The following FMN1 variants were observed in gnomAD, a reference collection of about 807,000 sequenced individuals.
FMN1 encodes formin 1.
In FMN1, 110 loss-of-function variants were observed where a neutral mutation model predicts 132.4. The observed-to-expected ratio is 0.83, with a 90% CI of 0.71 to 0.97. FMN1 has a LOEUF of 0.97. Among genes scored for constraint, FMN1 ranks in the 50% least tolerant of loss-of-function variants. The probability of loss-of-function intolerance (pLI) is 0.00; values close to 1 mark genes in which losing one functional copy is unlikely to be tolerated. For synonymous variants in FMN1, 722 were observed against 651.7 expected, an observed-to-expected ratio of 1.11 and a Z score of -1.64; for missense variants, 1,792 against 1,705.3, an observed-to-expected ratio of 1.05 and a Z score of -0.90.
intron 16 of FMN1, among the ~76,000 whole-genome samples, chr15:32,867,052 T>C (rs1212553168): frequency 1.3e-5 from 2 of 152,166 alleles, no homozygotes; most frequent in Admixed American, 6.5e-5. Context: ...CTGGGATGTG[T>C]CTCCCAAGTT....
At chr15:33,141,262 G>C (rs1392039120) in intron 4 of FMN1, among the ~76,000 whole-genome samples, 3 of 152,010 alleles carry the variant, frequency 2.0e-5, no homozygotes, top group African/African-American at 4.8e-5. Flanking sequence ...TCTTCTAAAA[G>C]CTGTTAAGTT....
intron 18 of FMN1, among the ~76,000 whole-genome samples, chr15:32,803,793 C>A (rs2057564001): frequency 6.6e-6 from 1 of 152,164 alleles, no homozygotes; most frequent in African/African-American, 2.4e-5. Flanking sequence ...CAGAGCAATG[C>A]AGGACAGGCA....
At chr15:33,030,351 A>C (rs2035878535) in intron 6 of FMN1, among the ~76,000 whole-genome samples, 1 of 152,196 alleles carries the variant, frequency 6.6e-6, no homozygotes, top group African/African-American at 2.4e-5. Context: ...TCAAGAGATG[A>C]ATGTGACCGG....
intron 9 of FMN1, among the ~76,000 whole-genome samples, chr15:32,948,488 A>G (rs1211545860): frequency 1.3e-5 from 2 of 152,056 alleles, no homozygotes; most frequent in Non-Finnish European, 2.9e-5. Context: ...AGACATGCTT[A>G]GTGTAATAAA....
At chr15:33,106,278 ACACACACACACACACACGCACG>A (rs1348719242) in intron 4 of FMN1, 3 of 142,882 alleles carry the variant, frequency 2.1e-5, no homozygotes, top group African/African-American at 5.7e-5. Flanking sequence ...CAGAATCCAC[ACACACACACACACACACGCACG>A]CACACACACA....
At chr15:33,040,356 T>C (rs760384933) in intron 6 of FMN1, among the ~76,000 whole-genome samples, 1 of 152,174 alleles carries the variant, frequency 6.6e-6, no homozygotes, top group Non-Finnish European at 1.5e-5. Flanking sequence ...TGTGTATTTG[T>C]AAACATTCCA....
chr15:33,115,455 T>A (rs1175901452), intron 4 of FMN1, among the ~76,000 whole-genome samples: 4 of 151,900 alleles, frequency 2.6e-5, no homozygotes, highest in African/African-American at 9.7e-5. Flanking sequence ...GGTCCTTGTG[T>A]ACAGCCTTGC....
chr15:32,910,333 C>T, intron 11 of FMN1, 141 bp downstream of exon 11: 1 of 650,388 alleles, frequency 1.5e-6, no homozygotes, highest in East Asian at 2.8e-5. Flanking sequence ...CATCCACTCC[C>T]ATTCAAGCTT....
chr15:32,892,434 T>C (rs2060054107), intron 15 of FMN1, among the ~76,000 whole-genome samples: 1 of 152,254 alleles, frequency 6.6e-6, no homozygotes, highest in South Asian at 2.1e-4. Context: ...GATTATCTTT[T>C]TGATATGTTG....
At chr15:33,082,092 A>AGTGTGTGTGTGTGTGT (rs1566899546) in intron 5 of FMN1, among the ~76,000 whole-genome samples, 2 of 87,984 alleles carry the variant, frequency 2.3e-5, no homozygotes, top group African/African-American at 3.9e-5. Context: ...GCTGGAAAAC[A>AGTGTGTGTGTGTGTGT]ATGTGTGTGT....
At chr15:33,076,680 C>T (rs1172886087) in intron 5 of FMN1, among the ~76,000 whole-genome samples, 1 of 152,022 alleles carries the variant, frequency 6.6e-6, no homozygotes, top group Non-Finnish European at 1.5e-5. Flanking sequence ...TATTACTGTC[C>T]AATGAAACTT....
intron 4 of FMN1, among the ~76,000 whole-genome samples, chr15:33,117,926 T>A (rs1272099878): frequency 6.6e-6 from 1 of 152,066 alleles, no homozygotes; most frequent in Non-Finnish European, 1.5e-5. Flanking sequence ...GGTGATGGAG[T>A]GGCAGTACGG....
At chr15:33,018,642 T>G (rs567825419) in intron 6 of FMN1, among the ~76,000 whole-genome samples, 5 of 152,194 alleles carry the variant, frequency 3.3e-5, no homozygotes, top group Non-Finnish European at 5.9e-5. Context: ...TGTACCATTG[T>G]GTCCGGAATT....
At chr15:33,101,060 T>C (rs375047928) in intron 4 of FMN1, among the ~76,000 whole-genome samples, 20 of 152,176 alleles carry the variant, frequency 1.3e-4, no homozygotes, top group East Asian at 3.8e-4. Flanking sequence ...CAATGGACTT[T>C]CTAAATTTCA....
intron 4 of FMN1, among the ~76,000 whole-genome samples, chr15:33,130,910 A>T (rs929920031): frequency 1.3e-5 from 2 of 152,216 alleles, no homozygotes; most frequent in Admixed American, 1.3e-4. Flanking sequence ...TCTTTAGCCA[A>T]GGTTACTTCA....
At chr15:32,821,449 C>T (rs200869945) in intron 17 of FMN1, among the ~76,000 whole-genome samples, 13 of 110,812 alleles carry the variant, frequency 1.2e-4, no homozygotes, top group Admixed American at 3.4e-4. Flanking sequence ...ATATTTAAAT[C>T]TTTTTTTTTT....
At chr15:33,098,936 A>T (rs757112885) in intron 4 of FMN1, among the ~76,000 whole-genome samples, 5 of 151,978 alleles carry the variant, frequency 3.3e-5, no homozygotes, top group African/African-American at 4.8e-5. Flanking sequence ...GGGCCCTTCA[A>T]TCTCCACACA....
chr15:32,788,572 C>A (rs990459768), intron 19 of FMN1, among the ~76,000 whole-genome samples: 1 of 152,162 alleles, frequency 6.6e-6, no homozygotes, highest in Admixed American at 6.5e-5. Flanking sequence ...GTCTCTCTGG[C>A]GCCCCTCAAA....
At chr15:32,884,143 T>C (rs964946108) in intron 16 of FMN1, among the ~76,000 whole-genome samples, 29 of 152,192 alleles carry the variant, frequency 1.9e-4, no homozygotes, top group African/African-American at 7.0e-4. Context: ...GCTACTATAA[T>C]AAATTAGCAC....
Sources: allele counts gnomAD v4.1 joint callset (sites outside exome capture counted in the v4.1 genomes callset), GRCh38; gene constraint gnomAD v4.1.1; transcripts MANE v1.5; gene names NCBI Gene and HGNC (gene_info 2026-07-23, HGNC 2026-07-21).